Variants in UBE2B observed in about 807,000 individuals in gnomAD.
UBE2B encodes ubiquitin-conjugating enzyme E2 B.
In UBE2B, 11 loss-of-function variants were observed where a neutral mutation model predicts 24.6. The ratio of observed to expected loss-of-function variants is 0.45; its 90% CI spans 0.28 to 0.74. UBE2B has a LOEUF of 0.74. UBE2B is among the 30% of genes least tolerant of loss of function. The pLI, the probability that UBE2B is intolerant of heterozygous loss-of-function variation, is 0.13. For synonymous variants in UBE2B, 68 were observed against 62.4 expected, an observed-to-expected ratio of 1.09 and a Z score of -0.42; for missense variants, 78 against 185.6, an observed-to-expected ratio of 0.42 and a Z score of 3.37.
chr5:134,375,517 A>G (rs773367972), intron 2 of UBE2B, among the ~76,000 whole-genome samples: 18 of 152,208 alleles, frequency 1.2e-4, no homozygotes, highest in Non-Finnish European at 2.5e-4. Context: ...TTTGAGTTGA[A>G]TACATGGCAC....
intron 4 of UBE2B, among the ~76,000 whole-genome samples, chr5:134,384,837 A>C (rs1758769621): frequency 6.6e-6 from 1 of 151,744 alleles, no homozygotes; most frequent in African/African-American, 2.4e-5. Context: ...TTAGCAGTCA[A>C]CTCTGTTTGT....
At chr5:134,375,649 A>T (rs1277473461) in intron 2 of UBE2B, among the ~76,000 whole-genome samples, 7 of 151,942 alleles carry the variant, frequency 4.6e-5, no homozygotes, top group Admixed American at 4.6e-4. Flanking sequence ...ACAAAAAAAA[A>T]TTAGCCGGGC....
intron 1 of UBE2B, among the ~76,000 whole-genome samples, chr5:134,372,770 C>T (rs1758501033): frequency 6.6e-6 from 1 of 152,146 alleles, no homozygotes; most frequent in Admixed American, 6.6e-5. Context: ...GACTAAAAAC[C>T]ATTTTTTTAA....
intron 5 of UBE2B, among the ~76,000 whole-genome samples, chr5:134,388,745 C>A (rs760909109): frequency 2.6e-5 from 4 of 151,970 alleles, no homozygotes; most frequent in Non-Finnish European, 5.9e-5. Context: ...CCAAGAAATT[C>A]TATTTTAAAA....
At chr5:134,376,490 C>T (rs1442402808) in intron 2 of UBE2B, among the ~76,000 whole-genome samples, 179 bp from the exon 3 acceptor site, 1 of 150,040 alleles carries the variant, frequency 6.7e-6, no homozygotes, top group Non-Finnish European at 1.5e-5. Flanking sequence ...AAAGTTAATA[C>T]TTTATGCCTG....
intron 4 of UBE2B, among the ~76,000 whole-genome samples, chr5:134,386,474 A>C (rs953531081): frequency 2.0e-5 from 3 of 152,096 alleles, no homozygotes; most frequent in African/African-American, 4.8e-5. Context: ...TCTACTAAAA[A>C]TGCAAAAATT....
intron 1 of UBE2B, 53 bp downstream of exon 1, chr5:134,371,692 C>A (rs1758429505): frequency 3.1e-6 from 5 of 1,610,386 alleles, no homozygotes. Context: ...TGCGGGGCTG[C>A]AGGGCGTGGA....
Sources: gnomAD v4.1 joint callset for allele counts (sites outside exome capture counted in the v4.1 genomes callset) on GRCh38, gnomAD v4.1.1 for gene constraint, MANE v1.5 for transcripts, NCBI Gene and HGNC (gene_info 2026-07-23, HGNC 2026-07-21) for gene names.